The following LRRC72 variants were observed in gnomAD, a reference collection of about 807,000 sequenced individuals.
The protein encoded by LRRC72 is leucine-rich repeat-containing protein 72.
Under a neutral mutation model 35.8 loss-of-function variants are expected in LRRC72, and 41 were observed. The observed-to-expected ratio is 1.15, with a 90% CI of 0.89 to 1.49. The LOEUF is 1.49. Among genes scored for constraint, LRRC72 ranks in the 40% most tolerant of loss-of-function variants. LRRC72 has a pLI of 0.00. For missense variants in LRRC72, 389 were observed against 330.7 expected (o/e 1.18, Z -1.37); for synonymous variants, 118 against 119.2 (o/e 0.99, Z 0.07).
intron 5 of LRRC72, among the ~76,000 whole-genome samples, chr7:16,562,348 G>A (rs1782757563): frequency 6.6e-6 from 1 of 151,820 alleles, no homozygotes; most frequent in South Asian, 2.1e-4. Flanking sequence ...CCCCTTTCCA[G>A]TACTAAGGGA....
At chr7:16,577,120 A>T (rs1281787919) in intron 7 of LRRC72, among the ~76,000 whole-genome samples, 1 of 152,196 alleles carries the variant, frequency 6.6e-6, no homozygotes, top group Non-Finnish European at 1.5e-5. Flanking sequence ...CTACCTATGC[A>T]TGAAGGTTCA....
chr7:16,566,253 A>C, intron 5 of LRRC72, 60 bp from the exon 6 acceptor site: 1 of 1,070,878 alleles, frequency 9.3e-7, no homozygotes, highest in Non-Finnish European at 1.3e-6. Flanking sequence ...GTATTTTATA[A>C]GTGATAAGTG....
At chr7:16,563,302 A>G (rs917471309) in intron 5 of LRRC72, among the ~76,000 whole-genome samples, 1 of 151,872 alleles carries the variant, frequency 6.6e-6, no homozygotes, top group African/African-American at 2.4e-5. Context: ...TTCTGTCTCG[A>G]TAATAAGTAG....
chr7:16,531,784 T>C (rs569224506), intron 1 of LRRC72, among the ~76,000 whole-genome samples: 49 of 152,238 alleles, frequency 3.2e-4, no homozygotes, highest in African/African-American at 8.9e-4. Flanking sequence ...CAAAGGACTT[T>C]AAGAAAAAAA....
chr7:16,538,124 T>C (rs1166403506), intron 3 of LRRC72, among the ~76,000 whole-genome samples: 5 of 152,224 alleles, frequency 3.3e-5, no homozygotes, highest in Non-Finnish European at 7.3e-5. Context: ...ACTGTCAATC[T>C]TCAATCACAA....
intron 3 of LRRC72, among the ~76,000 whole-genome samples, chr7:16,548,252 C>T (rs1032221622): frequency 3.9e-5 from 6 of 152,340 alleles, no homozygotes; most frequent in African/African-American, 1.4e-4. Flanking sequence ...CTGTGTACCT[C>T]ATTCTTCCTG....
At position 16,526,973 on chromosome 7, in the gene LRRC72, C is replaced by A. The variant is rs1450845951; in HGVS notation, c.21C>A (p.Pro7=). Residue 7 remains proline, a synonymous_variant, in exon 1 of 9, where the codon CCC becomes CCA. Transcript: ENST00000401542. Reference sequence around the variant, plus strand: ...TCCTGATGTCCTGGGACCCGAACCCCGTGCCCCGTACCTTGCGATGCTGGC... The same window carrying A: ...TCCTGATGTCCTGGGACCCGAACCCAGTGCCCCGTACCTTGCGATGCTGGC... MSWDPN[P]VPRTLRCWRL... 1 of 1,539,992 alleles carries A rather than the reference C, an allele frequency of 6.5e-7. No homozygotes were observed. The highest frequency in any genetic ancestry group is 2.4e-5 in the East Asian group (1 of 40,906).
intron 1 of LRRC72, 58 bp downstream of exon 1, chr7:16,527,100 C>T: frequency 7.3e-7 from 1 of 1,374,432 alleles, no homozygotes; most frequent in Non-Finnish European, 1.0e-6. Context: ...CCCCAGGGCC[C>T]CACCTCCTGC....
chr7:16,568,447 G>C (rs1188942321), intron 7 of LRRC72, among the ~76,000 whole-genome samples: 1 of 152,154 alleles, frequency 6.6e-6, no homozygotes. Context: ...GCTAAATGGA[G>C]AAAGAAAGCA....
intron 5 of LRRC72, among the ~76,000 whole-genome samples, chr7:16,559,799 T>A (rs1782715685): frequency 6.6e-6 from 1 of 152,054 alleles, no homozygotes; most frequent in African/African-American, 2.4e-5. Flanking sequence ...TGCATAACTT[T>A]GTGAATAAAC....
chr7:16,562,618 T>G (rs7810696), intron 5 of LRRC72, among the ~76,000 whole-genome samples: 70,617 of 152,078 alleles, frequency 0.46, 17,117 homozygotes, highest in African/African-American at 0.58. Flanking sequence ...TTTAAACACT[T>G]CCTGCCGTTG....
intron 7 of LRRC72, among the ~76,000 whole-genome samples, chr7:16,568,989 C>T (rs1193008963): frequency 6.6e-6 from 1 of 152,022 alleles, no homozygotes; most frequent in East Asian, 1.9e-4. Context: ...TTAAGACTTC[C>T]CTGAACTTTT....
intron 3 of LRRC72, among the ~76,000 whole-genome samples, chr7:16,555,074 C>A (rs1421055865): frequency 6.6e-6 from 1 of 152,142 alleles, no homozygotes; most frequent in Non-Finnish European, 1.5e-5. Context: ...TGATAAGGAG[C>A]CAACAGGGAC....
At chr7:16,539,394 G>A (rs988725624) in intron 3 of LRRC72, among the ~76,000 whole-genome samples, 1 of 152,210 alleles carries the variant, frequency 6.6e-6, no homozygotes, top group Non-Finnish European at 1.5e-5. Flanking sequence ...TAACCTGGCT[G>A]ATTCCGAAAG....
chr7:16,561,154 A>G (rs759971325), intron 5 of LRRC72, among the ~76,000 whole-genome samples: 1 of 152,208 alleles, frequency 6.6e-6, no homozygotes, highest in Non-Finnish European at 1.5e-5. Context: ...ACACTATTCT[A>G]GATAATAGGA....
At chr7:16,573,399 A>T (rs1782982070) in intron 7 of LRRC72, among the ~76,000 whole-genome samples, 8 of 152,224 alleles carry the variant, frequency 5.3e-5, no homozygotes, top group Admixed American at 4.6e-4. Context: ...CCTGATTTCA[A>T]ACTATACAAC....
chr7:16,569,026 A>T (rs492187), intron 7 of LRRC72, among the ~76,000 whole-genome samples: 31 of 151,958 alleles, frequency 2.0e-4, no homozygotes, highest in Non-Finnish European at 4.4e-4. Context: ...TAACAGGAAA[A>T]GTTAAAGAAT....
At chr7:16,556,188 G>A (rs568761901) in intron 3 of LRRC72, among the ~76,000 whole-genome samples, 6 of 152,172 alleles carry the variant, frequency 3.9e-5, no homozygotes, top group Middle Eastern at 6.8e-3. Flanking sequence ...GAGGAAATTC[G>A]AGAAAGTACT....
At chr7:16,572,270 C>T (rs1175151640) in intron 7 of LRRC72, among the ~76,000 whole-genome samples, 1 of 152,094 alleles carries the variant, frequency 6.6e-6, no homozygotes, top group African/African-American at 2.4e-5. Flanking sequence ...TATTTTAAAC[C>T]ATAGAAAAAG....
Sources: gnomAD v4.1 joint callset for allele counts (sites outside exome capture counted in the v4.1 genomes callset) on GRCh38, gnomAD v4.1.1 for gene constraint, MANE v1.5 for transcripts, NCBI Gene and HGNC (gene_info 2026-07-23, HGNC 2026-07-21) for gene names.